The following TJP1 variants were observed in gnomAD, a reference collection of about 807,000 sequenced individuals.
TJP1 encodes the protein tight junction protein ZO-1.
In TJP1, 43 loss-of-function variants were observed where a neutral mutation model predicts 194.2. The ratio of observed to expected loss-of-function variants is 0.22; its 90% confidence interval spans 0.17 to 0.29. The LOEUF (loss-of-function observed/expected upper bound fraction) is 0.29. Among genes scored for constraint, TJP1 ranks in the 10% least tolerant of loss-of-function variants. The probability of loss-of-function intolerance (pLI) is 1.00; values close to 1 mark genes in which losing one functional copy is unlikely to be tolerated. For missense variants in TJP1, 1,971 were observed against 2,185.7 expected, an observed-to-expected ratio of 0.90 and a Z score of 1.96; for synonymous variants, 801 against 779.0, an observed-to-expected ratio of 1.03 and a Z score of -0.47.
chr15:29,742,596 C>T, intron 9 of TJP1, 46 bp downstream of exon 9: 6 of 1,491,044 alleles, frequency 4.0e-6, no homozygotes, highest in Non-Finnish European at 5.4e-6. Context: ...AATTACTTCA[C>T]TCTACTTGCA....
intron 2 of TJP1, among the ~76,000 whole-genome samples, chr15:29,830,781 C>G (rs2050814364): frequency 6.6e-6 from 1 of 151,978 alleles, no homozygotes; most frequent in African/African-American, 2.4e-5. Flanking sequence ...GTATTGTAAT[C>G]TCCAACTAGG....
intron 1 of TJP1, among the ~76,000 whole-genome samples, chr15:29,962,491 T>A (rs2056195794): frequency 6.6e-6 from 1 of 152,166 alleles, no homozygotes; most frequent in Admixed American, 6.5e-5. Context: ...CATCTAATAA[T>A]CCTTCTACAA....
intron 2 of TJP1, among the ~76,000 whole-genome samples, chr15:29,864,436 G>A (rs569384080): frequency 6.6e-6 from 1 of 152,150 alleles, no homozygotes; most frequent in African/African-American, 2.4e-5. Flanking sequence ...GGTGGGGACT[G>A]TGCATCTCAT....
In TJP1 at chr15:29,928,681, C is replaced by G. The variant is rs1019875858; in HGVS notation, c.306+27551G>C. Among the ~76,000 whole-genome samples the G allele has an allele frequency of 2.0e-5, 3 of 152,218 alleles. No homozygotes were observed. The South Asian group carries it at 6.2e-4, about 32-fold the overall frequency. ...CTTGTCGGCCGGGCACGGTGGCTCA[C>G]GCCTGTAATCCCAGCACTTTGGGAG... On this transcript the variant is annotated intron_variant, in intron 2 of 28. Coordinates refer to the TJP1 transcript ENST00000356107.
chr15:29,796,691 T>C (rs2048434721), intron 2 of TJP1, among the ~76,000 whole-genome samples: 1 of 152,324 alleles, frequency 6.6e-6, no homozygotes, highest in East Asian at 1.9e-4. Flanking sequence ...CTAAAATTTA[T>C]ACAGAAAGGC....
At chr15:29,738,895 TAGCTGGGTTTCGTGG>T (rs937156538) in intron 10 of TJP1, among the ~76,000 whole-genome samples, 4 of 74,690 alleles carry the variant, frequency 5.4e-5, no homozygotes, top group Admixed American at 5.3e-4. Flanking sequence ...AAAAAAAAAT[TAGCTGGGTTTCGTGG>T]CTCGTTGCCT....
At chr15:29,783,298 G>A (rs906147259) in intron 2 of TJP1, among the ~76,000 whole-genome samples, 1 of 151,686 alleles carries the variant, frequency 6.6e-6, no homozygotes, top group Admixed American at 6.6e-5. Context: ...AAAACACAAA[G>A]ATATCATCTC....
intron 2 of TJP1, among the ~76,000 whole-genome samples, chr15:29,890,286 G>A (rs1378948565): frequency 6.6e-6 from 1 of 152,168 alleles, no homozygotes; most frequent in Non-Finnish European, 1.5e-5. Flanking sequence ...AGCGAAATAA[G>A]AGATAACAGG....
chr15:29,867,559 G>C (rs1007931422), intron 2 of TJP1, among the ~76,000 whole-genome samples: 1 of 152,090 alleles, frequency 6.6e-6, no homozygotes, highest in African/African-American at 2.4e-5. Flanking sequence ...CCTTGGGTGT[G>C]TATATTCCCT....
intron 2 of TJP1, among the ~76,000 whole-genome samples, chr15:29,923,606 G>A (rs1037917870): frequency 2.0e-5 from 3 of 152,148 alleles, no homozygotes; most frequent in Non-Finnish European, 4.4e-5. Flanking sequence ...TCCCAAATAG[G>A]AAAATCTATA....
chr15:29,791,594 C>T (rs1279180722), intron 2 of TJP1, among the ~76,000 whole-genome samples: 1 of 149,606 alleles, frequency 6.7e-6, no homozygotes, highest in Non-Finnish European at 1.5e-5. Flanking sequence ...CTGGTTTCAC[C>T]GTGTTAGCCA....
chr15:29,849,141 A>T (rs785450), intron 2 of TJP1, among the ~76,000 whole-genome samples: 7 of 151,800 alleles, frequency 4.6e-5, no homozygotes, highest in African/African-American at 1.5e-4. Flanking sequence ...GTTTTGTTGA[A>T]TAACTAGTAG....
At chr15:29,965,944 C>G (rs11858112) in intron 1 of TJP1, among the ~76,000 whole-genome samples, 8,636 of 152,218 alleles carry the variant, frequency 0.057, 385 homozygotes, top group African/African-American at 0.12. Flanking sequence ...AAGCCTCTTG[C>G]CTTTTCCAGG....
chr15:29,814,950 G>C (rs2049807098), intron 1 of TJP1, among the ~76,000 whole-genome samples: 1 of 152,176 alleles, frequency 6.6e-6, no homozygotes, highest in Admixed American at 6.5e-5. Context: ...ATTTCAAATG[G>C]TGTTTTACAG....
intron 2 of TJP1, among the ~76,000 whole-genome samples, chr15:29,854,982 TTTAA>T (rs1458407257): frequency 2.6e-5 from 4 of 152,324 alleles, no homozygotes; most frequent in South Asian, 2.1e-4. Flanking sequence ...AAATAATTCC[TTTAA>T]TTAATAAGCA....
At chr15:29,778,728 TCTC>T (rs1210953912) in intron 2 of TJP1, among the ~76,000 whole-genome samples, 2 of 152,116 alleles carry the variant, frequency 1.3e-5, no homozygotes, top group African/African-American at 2.4e-5. Context: ...TGGCTTAACA[TCTC>T]CTCTCTCCCT....
intron 15 of TJP1, 91 bp downstream of exon 15, chr15:29,732,342 G>C (rs2043720062): frequency 8.7e-7 from 1 of 1,155,620 alleles, no homozygotes; most frequent in Middle Eastern, 3.0e-4. Context: ...CTGACAAAAA[G>C]TCTTATTTTT....
intron 2 of TJP1, among the ~76,000 whole-genome samples, chr15:29,938,986 C>A (rs570522803): frequency 6.6e-6 from 1 of 152,144 alleles, no homozygotes; most frequent in East Asian, 1.9e-4. Flanking sequence ...ATGTTAAATG[C>A]CCACTTCTGG....
At position 29,822,320 on chromosome 15, in the gene TJP1, C is replaced by CTCGCCCGG; in HGVS notation, c.-300_-293dup. 9.2e-7 allele frequency: 1 copy of CTCGCCCGG among 1,092,428 alleles called. No individual in the cohort carries two copies. The highest frequency in any genetic ancestry group is 1.1e-6 in the Non-Finnish European group (1 of 898,510). The allele number at this position is 1,092,428 out of a possible 1,614,324, so 67.7% of individuals were successfully genotyped here. A position where few individuals can be genotyped will look rare whatever the true frequency, so the allele number is the denominator to read the frequency against. On this transcript the variant is annotated 5_prime_UTR_variant, in exon 1 of 28. Coordinates refer to ENST00000614355, the MANE Select transcript of TJP1 (RefSeq NM_001330239.4). The stretch of plus-strand genomic sequence containing the variant: ...GCTTTCGCAGCCCGGCCACGTCGGC[C>CTCGCCCGG]TCGCCCGGTCGCCCGCCCGTCAGCA...
Sources: gnomAD v4.1 joint callset for allele counts (sites outside exome capture counted in the v4.1 genomes callset) on GRCh38, gnomAD v4.1.1 for gene constraint, MANE v1.5 for transcripts, NCBI Gene and HGNC (gene_info 2026-07-23, HGNC 2026-07-21) for gene names.